Variants in TBCD observed in about 807,000 individuals in gnomAD.
The protein encoded by TBCD is tubulin-specific chaperone D.
In TBCD, 105 loss-of-function variants were observed where a neutral mutation model predicts 169.3. That is an observed-to-expected ratio of 0.62 (90% CI 0.53 to 0.73). The LOEUF (loss-of-function observed/expected upper bound fraction) is 0.73, where lower values mean the gene tolerates loss of function less well. TBCD is among the 30% of genes least tolerant of loss of function. The pLI is 0.00. For missense variants in TBCD, 1,444 were observed against 1,600.1 expected, an observed-to-expected ratio of 0.90 and a Z score of 1.66; for synonymous variants, 700 against 643.9, an observed-to-expected ratio of 1.09 and a Z score of -1.32.
At position 82,752,490 on chromosome 17, in the gene TBCD, C is replaced by T. The variant is rs955309615; in HGVS notation, c.184+113C>T. 11 of 869,422 alleles carry T rather than the reference C, an allele frequency of 1.3e-5. No individual in the cohort carries two copies. The Admixed American group carries it at 4.7e-4, about 37-fold the overall frequency. 53.9% of individuals were successfully genotyped at this position (869,422 alleles called of 1,614,324 possible). A position where few individuals can be genotyped will look rare whatever the true frequency, so the allele number is the denominator to read the frequency against. On this transcript the variant is annotated intron_variant, in intron 1 of 38. Coordinates refer to ENST00000355528, the MANE Select transcript of TBCD (RefSeq NM_005993.5). ...GGCGGCGCCGGCCGCTCTGCGAGGG[C>T]TGCCGGTGCGCGGTCCCGCGGGCCG...
At chr17:82,834,399 T>C (rs1030770177) in intron 13 of TBCD, among the ~76,000 whole-genome samples, 2 of 152,068 alleles carry the variant, frequency 1.3e-5, no homozygotes, top group Non-Finnish European at 2.9e-5. Context: ...GTATTAAAAA[T>C]GTAAAAAAGA....
At chr17:82,905,226 A>G (rs542213223) in intron 19 of TBCD, among the ~76,000 whole-genome samples, 2 of 152,306 alleles carry the variant, frequency 1.3e-5, no homozygotes, top group African/African-American at 4.8e-5. Context: ...TGCCAGGACC[A>G]GAGGCCACCC....
intron 7 of TBCD, among the ~76,000 whole-genome samples, chr17:82,792,379 G>A (rs537014450): frequency 6.8e-6 from 1 of 147,166 alleles, no homozygotes; most frequent in Non-Finnish European, 1.5e-5. Context: ...ACACATATAT[G>A]TGTATATATA....
intron 1 of TBCD, among the ~76,000 whole-genome samples, chr17:82,753,605 C>G (rs968057900): frequency 2.0e-5 from 3 of 151,552 alleles, no homozygotes; most frequent in African/African-American, 7.3e-5. Flanking sequence ...TACAGGCGCG[C>G]GCCACCACGC....
chr17:82,933,292 T>TTTTC (rs2062364473), intron 34 of TBCD, among the ~76,000 whole-genome samples: 2 of 150,220 alleles, frequency 1.3e-5, no homozygotes, highest in Admixed American at 1.3e-4. Flanking sequence ...TTTTTTTTTT[T>TTTTC]GAGACAGGGT....
Position 82,915,984 on chromosome 17 carries a change from G to A in TBCD, c.2038+4195G>A, listed in dbSNP as rs76841381. Among the ~76,000 whole-genome samples the A allele has an allele frequency of 4.8e-4, 73 of 152,232 alleles. No individual in the cohort carries two copies. In the East Asian group the frequency reaches 0.012, roughly 26 times the overall value. The stretch of plus-strand genomic sequence containing the variant: ...CATGGCCGGTGCTGTCGTGCCTTTC[G>A]CTTTTACCTGTATCTTAAATCACAC... On this transcript the variant is annotated intron_variant, in intron 23 of 38. Transcript: ENST00000355528. This position sits in a 1 kb window ranked among gnomAD's most constrained non-coding sequence, Gnocchi z 4.3.
At chr17:82,840,148 G>C (rs926357220) in intron 13 of TBCD, 1 of 152,180 alleles carries the variant, frequency 6.6e-6, no homozygotes, top group Admixed American at 6.5e-5. Flanking sequence ...GAGCTGCTGC[G>C]GGCAGCCTCC....
Position 82,920,551 on chromosome 17 carries a change from T to TC in TBCD, c.2039-3dup, listed in dbSNP as rs1213981167. On this transcript the variant is annotated splice_polypyrimidine_tract_variant and splice_region_variant and intron_variant, in intron 23 of 38. Transcript: ENST00000355528. This position sits in a 1 kb window ranked among gnomAD's most constrained non-coding sequence, Gnocchi z 4.1. ...TGCGTCTATCCTTTTTTTTTTTTTT[T>TC]CCAGTGTGTGTTTTAATAGAAAAGT... The TC allele has an allele frequency of 7.8e-6, 12 of 1,534,694 alleles. No homozygotes were observed. The highest frequency in any genetic ancestry group is 2.4e-5 in the East Asian group (1 of 41,010).
intron 8 of TBCD, among the ~76,000 whole-genome samples, chr17:82,800,258 AC>A (rs1371007366): frequency 6.6e-6 from 1 of 151,942 alleles, no homozygotes; most frequent in Admixed American, 6.5e-5. Flanking sequence ...TCGTCGCAGC[AC>A]CCGGGCGTCT....
At chr17:82,818,896 G>A (rs934393886) in intron 13 of TBCD, among the ~76,000 whole-genome samples, 1 of 152,236 alleles carries the variant, frequency 6.6e-6, no homozygotes, top group Non-Finnish European at 1.5e-5. Flanking sequence ...GTGAAACCCC[G>A]TCTCTGCTAA....
intron 16 of TBCD, among the ~76,000 whole-genome samples, chr17:82,891,073 G>A (rs1000902636): frequency 6.6e-6 from 1 of 152,204 alleles, no homozygotes; most frequent in Non-Finnish European, 1.5e-5. Context: ...ACCGTGCTGG[G>A]TGGGCCCTGG....
In TBCD at chr17:82,942,545, A is replaced by T. The variant is rs2063413190; in HGVS notation, c.*82A>T. On this transcript the variant is annotated 3_prime_UTR_variant, in exon 39 of 39. Transcript: ENST00000355528. ...GGGAGGCCGGTGTGGAAAGCCTCGC[A>T]CAGTGGTGCCTCCAGCTGTTGAAGG... is the stretch of plus-strand genomic sequence containing the variant. The T allele has an allele frequency of 6.3e-7, 1 of 1,591,020 alleles. No individual in the cohort carries two copies. Among genetic ancestry groups the T allele is most frequent in the Non-Finnish European group, 8.6e-7 (1 of 1,160,600 alleles).
Position 82,890,164 on chromosome 17 carries a change from G to C in TBCD, c.1563+467G>C, listed in dbSNP as rs538039576. ...ACATCATGCTGGGGCTGCTTTTGCT[G>C]TGCCCTCTGACCCTGACATCTGGTC... On this transcript the variant is annotated intron_variant, in intron 16 of 38. Transcript: ENST00000355528. This position sits in a 1 kb window ranked among gnomAD's most constrained non-coding sequence, Gnocchi z 5.3. 4.9e-4 allele frequency among the ~76,000 whole-genome samples: 74 copies of C among 152,336 alleles called. No homozygotes were observed. Among genetic ancestry groups the C allele is most frequent in the African/African-American group, 1.8e-3 (73 of 41,584 alleles).
chr17:82,927,448 A>G (rs1786368952), intron 29 of TBCD, 125 bp downstream of exon 29: 3 of 1,344,562 alleles, frequency 2.2e-6, no homozygotes, highest in African/African-American at 1.5e-5. Context: ...TTGCGTTTTA[A>G]AGGCTCTGGG....
rs1305930779 is a variant in TBCD, at chr17:82,922,478, C to T, written c.2178+901C>T. 2.0e-5 allele frequency among the ~76,000 whole-genome samples: 3 copies of T among 152,160 alleles called. No homozygotes were observed. The East Asian group carries it at 5.8e-4, about 29-fold the overall frequency. On this transcript the variant is annotated intron_variant, in intron 25 of 38. Coordinates refer to ENST00000355528, the MANE Select transcript of TBCD (RefSeq NM_005993.5). The surrounding 1 kb of genome is among the most constrained non-coding windows in gnomAD (Gnocchi z 4.1). ...AGGTGTCTTGTAATTCTCTGACTTC[C>T]TCCATGCTTAGCATTTCTTTTTCCT...
chr17:82,804,655 G>A (rs934770838), intron 9 of TBCD, among the ~76,000 whole-genome samples: 1 of 152,234 alleles, frequency 6.6e-6, no homozygotes, highest in Non-Finnish European at 1.5e-5. Context: ...GCAGGGCAGT[G>A]CACAGCATGG....
At chr17:82,753,868 G>GTT (rs57196730) in intron 1 of TBCD, among the ~76,000 whole-genome samples, 13 of 125,324 alleles carry the variant, frequency 1.0e-4, no homozygotes, top group East Asian at 7.0e-4. Flanking sequence ...TAGACTAGAG[G>GTT]TTTTTTTTTT....
intron 37 of TBCD, among the ~76,000 whole-genome samples, chr17:82,940,638 C>T (rs1188062982): frequency 2.6e-5 from 4 of 152,166 alleles, no homozygotes; most frequent in East Asian, 1.9e-4. Context: ...GTGTCTGCTC[C>T]TAAACAAACA....
intron 13 of TBCD, among the ~76,000 whole-genome samples, chr17:82,855,538 G>A (rs1046788334): frequency 7.9e-5 from 12 of 152,038 alleles, no homozygotes; most frequent in Non-Finnish European, 1.3e-4. Flanking sequence ...GAAGGGCTGG[G>A]ATTACAGGTG....
Sources: gnomAD v4.1 joint callset for allele counts (sites outside exome capture counted in the v4.1 genomes callset) on GRCh38, gnomAD v4.1.1 for gene constraint, Gnocchi (gnomAD v3.1) non-coding constraint, MANE v1.5 for transcripts, NCBI Gene and HGNC (gene_info 2026-07-23, HGNC 2026-07-21) for gene names.